The following PRKCE variants were observed in gnomAD, a reference collection of about 807,000 sequenced individuals.
The protein encoded by PRKCE is protein kinase C epsilon, also known as protein kinase C epsilon type.
PRKCE carries 16 observed loss-of-function variants against 85.4 expected under a neutral mutation model. That is an observed-to-expected ratio of 0.19 (90% CI 0.13 to 0.28). The LOEUF (loss-of-function observed/expected upper bound fraction) is 0.28, where lower values mean the gene tolerates loss of function less well. Among genes scored for constraint, PRKCE ranks in the 10% least tolerant of loss-of-function variants. PRKCE has a pLI of 1.00. For synonymous variants in PRKCE, 388 were observed against 371.5 expected (o/e 1.04, Z -0.51); for missense variants, 573 against 975.2 (o/e 0.59, Z 5.49).
chr2:46,098,520 TCCTGCTAGTTAGTAAACTGATGAAAA>T (rs565531343), intron 11 of PRKCE, among the ~76,000 whole-genome samples: 322 of 152,350 alleles, frequency 2.1e-3, no homozygotes, highest in Non-Finnish European at 3.5e-3. Context: ...GATGAATGTA[TCCTGCTAGTTAGTAAACTGATGAAAA>T]CACTTTGTCT....
intron 2 of PRKCE, among the ~76,000 whole-genome samples, chr2:45,875,822 C>T (rs77752650): frequency 1.3e-5 from 2 of 152,208 alleles, no homozygotes; most frequent in Admixed American, 6.5e-5. Context: ...TCATCACAGA[C>T]GTTTTAGAAA....
intron 2 of PRKCE, among the ~76,000 whole-genome samples, chr2:45,885,356 G>C (rs1024300612): frequency 6.6e-6 from 1 of 152,004 alleles, no homozygotes; most frequent in Non-Finnish European, 1.5e-5. Context: ...CGACCCTAGG[G>C]AACAGAGCAA....
chr2:46,136,338 C>A (rs3768738), intron 11 of PRKCE, among the ~76,000 whole-genome samples: 1 of 152,028 alleles, frequency 6.6e-6, no homozygotes, highest in African/African-American at 2.4e-5. Context: ...CGCGTGCTAA[C>A]GCTTTGCTAG....
At chr2:46,118,963 C>G (rs1574516887) in intron 11 of PRKCE, among the ~76,000 whole-genome samples, 1 of 152,232 alleles carries the variant, frequency 6.6e-6, no homozygotes, top group East Asian at 1.9e-4. Context: ...ATGCTGGAGA[C>G]TAAATGGGTT....
In PRKCE at chr2:45,799,165, CAAAAAAA is replaced by C. The variant is rs60365471; in HGVS notation, c.349-43828_349-43822del. Among the ~76,000 whole-genome samples, 225 of 119,718 alleles carry C rather than the reference CAAAAAAA, an allele frequency of 1.9e-3. 1 individual carries two copies. The highest frequency in any genetic ancestry group is 6.2e-3 in the African/African-American group (213 of 34,450). The allele number at this position is 119,718 out of a possible 152,430, so 78.5% of individuals were successfully genotyped here. A position where few individuals can be genotyped will look rare whatever the true frequency, so the allele number is the denominator to read the frequency against. The stretch of plus-strand genomic sequence containing the variant: ...TGGGCAACAGAGTGGGACTCCGTTT[CAAAAAAA>C]AAAAAAGAAAAAAGTGAGCATTTTC... On this transcript the variant is annotated intron_variant, in intron 1 of 14. Coordinates refer to ENST00000306156, the MANE Select transcript of PRKCE (RefSeq NM_005400.3).
chr2:45,855,977 G>T (rs1052070099), intron 2 of PRKCE, among the ~76,000 whole-genome samples: 5 of 151,878 alleles, frequency 3.3e-5, no homozygotes, highest in African/African-American at 1.2e-4. Flanking sequence ...GTCTCCGTGT[G>T]CATTAAAAGG....
At chr2:46,094,485 G>A (rs1054558471) in intron 11 of PRKCE, among the ~76,000 whole-genome samples, 3 of 152,188 alleles carry the variant, frequency 2.0e-5, no homozygotes, top group African/African-American at 7.2e-5. Flanking sequence ...CAGGGACATA[G>A]GTGGAGCTGG....
chr2:45,994,801 C>T (rs947763940), intron 6 of PRKCE, among the ~76,000 whole-genome samples: 2 of 152,146 alleles, frequency 1.3e-5, no homozygotes, highest in African/African-American at 4.8e-5. Context: ...GGGTAAATAT[C>T]AGTAGTGTAA....
At chr2:45,805,045 G>C (rs559264393) in intron 1 of PRKCE, among the ~76,000 whole-genome samples, 37 of 150,914 alleles carry the variant, frequency 2.5e-4, no homozygotes, top group African/African-American at 8.3e-4. Flanking sequence ...ATATATGGAA[G>C]CCAAGGAAAG....
intron 1 of PRKCE, among the ~76,000 whole-genome samples, chr2:45,660,897 C>T (rs1675606001): frequency 6.6e-6 from 1 of 152,084 alleles, no homozygotes; most frequent in South Asian, 2.1e-4. Context: ...TACAATTCAT[C>T]GTAACTCACT....
chr2:46,133,197 A>G (rs561964560), intron 11 of PRKCE, among the ~76,000 whole-genome samples: 2 of 152,304 alleles, frequency 1.3e-5, no homozygotes, highest in South Asian at 4.1e-4. Context: ...GCCAGGCTCC[A>G]AGAACGCCCC....
intron 10 of PRKCE, among the ~76,000 whole-genome samples, chr2:46,084,793 C>T (rs533160353): frequency 6.6e-6 from 1 of 151,500 alleles, no homozygotes; most frequent in East Asian, 1.9e-4. Flanking sequence ...CTTCGCTAAC[C>T]TTCCTCTACA....
In PRKCE at chr2:45,924,502, C is replaced by T. The variant is rs1393083790; in HGVS notation, c.413-51927C>T. On this transcript the variant is annotated intron_variant, in intron 2 of 14. Coordinates refer to ENST00000306156, the MANE Select transcript of PRKCE (RefSeq NM_005400.3). ...CAGGATAACAGAGAGGCTGGGAGTGCGGGCTCCCATGCCAGACTGAATCCA... is the reference window on the plus strand; with the variant it reads ...CAGGATAACAGAGAGGCTGGGAGTGTGGGCTCCCATGCCAGACTGAATCCA... 4.6e-5 allele frequency among the ~76,000 whole-genome samples: 7 copies of T among 152,148 alleles called. No individual in the cohort carries two copies. In the East Asian group the frequency reaches 9.6e-4, roughly 21 times the overall value.
chr2:45,875,886 C>A (rs1184168219), intron 2 of PRKCE, among the ~76,000 whole-genome samples: 1 of 152,184 alleles, frequency 6.6e-6, no homozygotes, highest in Non-Finnish European at 1.5e-5. Flanking sequence ...TCCTAAAGTG[C>A]TAGGCAGATG....
intron 1 of PRKCE, among the ~76,000 whole-genome samples, chr2:45,746,658 G>T (rs1040678270): frequency 3.9e-5 from 6 of 152,108 alleles, no homozygotes; most frequent in Non-Finnish European, 8.8e-5. Context: ...AATATTCTCC[G>T]TATTTTCAGT....
intron 11 of PRKCE, among the ~76,000 whole-genome samples, chr2:46,105,687 C>T (rs1205672891): frequency 1.3e-5 from 2 of 152,150 alleles, no homozygotes; most frequent in African/African-American, 4.8e-5. Context: ...GTGTGTAATA[C>T]ACAATTTGCT....
intron 10 of PRKCE, among the ~76,000 whole-genome samples, chr2:46,023,110 A>AAAAAAAAAAAC: frequency 6.6e-6 from 1 of 150,486 alleles, no homozygotes; most frequent in Non-Finnish European, 1.5e-5. Flanking sequence ...AAAAAAAAAA[A>AAAAAAAAAAAC]TCATCTATAT....
intron 13 of PRKCE, among the ~76,000 whole-genome samples, chr2:46,156,671 G>T (rs539010679): frequency 1.5e-3 from 222 of 152,350 alleles, no homozygotes; most frequent in African/African-American, 4.8e-3. Context: ...ACGTCACCCA[G>T]TGGGAAGGAG....
chr2:45,779,270 G>A (rs561330466), intron 1 of PRKCE, among the ~76,000 whole-genome samples: 1 of 152,342 alleles, frequency 6.6e-6, no homozygotes, highest in Non-Finnish European at 1.5e-5. Flanking sequence ...GGAGAGGAGA[G>A]ACCCTTGCAC....
Sources: gnomAD v4.1 joint callset for allele counts (sites outside exome capture counted in the v4.1 genomes callset) on GRCh38, gnomAD v4.1.1 for gene constraint, MANE v1.5 for transcripts, NCBI Gene and HGNC (gene_info 2026-07-23, HGNC 2026-07-21) for gene names.